Variants in RBFOX1 observed in about 807,000 individuals in gnomAD.
The protein encoded by RBFOX1 is RNA binding protein fox-1 homolog 1.
Under a neutral mutation model 57.7 loss-of-function variants are expected in RBFOX1, and 8 were observed. That is an observed-to-expected ratio of 0.14 (90% CI 0.08 to 0.25). RBFOX1 has a LOEUF of 0.25. Among genes scored for constraint, RBFOX1 ranks in the 10% least tolerant of loss-of-function variants. The pLI, the probability that RBFOX1 is intolerant of heterozygous loss-of-function variation, is 1.00. For missense variants in RBFOX1, 611 were observed against 548.5 expected (o/e 1.11, Z -1.14); for synonymous variants, 326 against 222.4 (o/e 1.47, Z -4.15).
At chr16:7,427,646 A>T (rs557494918) in intron 4 of RBFOX1, among the ~76,000 whole-genome samples, 294 of 134,758 alleles carry the variant, frequency 2.2e-3, no homozygotes, top group African/African-American at 7.5e-3. Flanking sequence ...TTTTATTTTT[A>T]TTTATTTATT....
intron 10 of RBFOX1, among the ~76,000 whole-genome samples, chr16:7,607,670 C>T (rs1474982836): frequency 3.3e-5 from 5 of 152,114 alleles, no homozygotes; most frequent in South Asian, 4.1e-4. Flanking sequence ...TTTCAATGTG[C>T]CTGAATGTGT....
chr16:5,525,491 A>ATTTTTTTTTTTTTTTTTTTTTTTTTT (rs71404528), intron 2 of RBFOX1, among the ~76,000 whole-genome samples: 3 of 78,270 alleles, frequency 3.8e-5, no homozygotes, highest in African/African-American at 5.4e-5. Context: ...AGCCGACACT[A>ATTTTTTTTTTTTTTTTTTTTTTTTTT]TTTTTTTTTT....
chr16:6,527,640 G>A (rs1233553278), intron 2 of RBFOX1, among the ~76,000 whole-genome samples: 5 of 152,108 alleles, frequency 3.3e-5, no homozygotes, highest in Non-Finnish European at 7.4e-5. Context: ...TTATCTTGAG[G>A]ACTGGTCTTG....
chr16:7,156,876 C>G (rs1415906098), intron 4 of RBFOX1, among the ~76,000 whole-genome samples: 2 of 152,080 alleles, frequency 1.3e-5, no homozygotes, highest in South Asian at 4.1e-4. Flanking sequence ...ATAGATATTG[C>G]TAATATTTGC....
intron 2 of RBFOX1, among the ~76,000 whole-genome samples, chr16:6,512,625 C>T (rs1471106406): frequency 6.6e-6 from 1 of 152,140 alleles, no homozygotes; most frequent in East Asian, 1.9e-4. Flanking sequence ...TTACACATTT[C>T]CAGAGTTCTC....
chr16:7,169,896 C>T (rs1292440251), intron 4 of RBFOX1, among the ~76,000 whole-genome samples: 4 of 151,940 alleles, frequency 2.6e-5, no homozygotes, highest in Non-Finnish European at 5.9e-5. Context: ...CGTGGCAAGA[C>T]CCTATCTCTA....
chr16:5,265,351 T>C (rs149396315), intron 1 of RBFOX1, among the ~76,000 whole-genome samples: 268 of 152,248 alleles, frequency 1.8e-3, no homozygotes, highest in Non-Finnish European at 3.3e-3. Flanking sequence ...CACCTTTTAC[T>C]GCAGAATGAG....
chr16:7,098,749 A>G (rs1373135302), intron 4 of RBFOX1, among the ~76,000 whole-genome samples: 1 of 152,130 alleles, frequency 6.6e-6, no homozygotes, highest in African/African-American at 2.4e-5. Flanking sequence ...CAGGAGTTTG[A>G]GACCAGCCTG....
chr16:7,456,066 A>T (rs1213835020), intron 4 of RBFOX1, among the ~76,000 whole-genome samples: 1 of 152,174 alleles, frequency 6.6e-6, no homozygotes, highest in African/African-American at 2.4e-5. Flanking sequence ...ATGTGGTCTT[A>T]TGCTATAGCT....
intron 1 of RBFOX1, among the ~76,000 whole-genome samples, chr16:6,303,978 A>G (rs561650897): frequency 6.7e-6 from 1 of 148,494 alleles, no homozygotes; most frequent in South Asian, 2.2e-4. Context: ...TGCCTGGCTA[A>G]TTTTTGTATT....
chr16:7,513,104 A>G (rs964860870), intron 4 of RBFOX1, among the ~76,000 whole-genome samples: 2 of 152,088 alleles, frequency 1.3e-5, no homozygotes, highest in Non-Finnish European at 2.9e-5. Context: ...TCTACTAAAA[A>G]TACAAAAAAT....
At chr16:7,424,324 A>G (rs563664118) in intron 4 of RBFOX1, among the ~76,000 whole-genome samples, 52 of 152,202 alleles carry the variant, frequency 3.4e-4, no homozygotes, top group Non-Finnish European at 6.2e-4. Context: ...CAGTGATGCA[A>G]TCTTTTCTGA....
Position 6,899,063 on chromosome 16 carries a change from A to G in RBFOX1, c.-15-152994A>G, listed in dbSNP as rs372803857. ...GTGTATGCATGTGTATGTATAATAC[A>G]TGTATTACACACATGTACACGTGTA... On this transcript the variant is annotated intron_variant, in intron 3 of 15. Transcript: ENST00000550418. 3.8e-4 allele frequency among the ~76,000 whole-genome samples: 57 copies of G among 148,666 alleles called. 1 individual carries two copies. The East Asian group carries it at 4.9e-3, about 13-fold the overall frequency.
intron 4 of RBFOX1, among the ~76,000 whole-genome samples, chr16:7,337,593 G>C (rs1418376372): frequency 6.6e-6 from 1 of 152,184 alleles, no homozygotes; most frequent in African/African-American, 2.4e-5. Flanking sequence ...GAACTCCTAA[G>C]CACTGCGTCT....
At chr16:6,662,180 T>C (rs1028919846) in intron 3 of RBFOX1, among the ~76,000 whole-genome samples, 1 of 151,998 alleles carries the variant, frequency 6.6e-6, no homozygotes, top group Non-Finnish European at 1.5e-5. Flanking sequence ...CAAACCCTCA[T>C]CATCAGATTA....
At chr16:7,542,614 G>T (rs1006204828) in intron 5 of RBFOX1, among the ~76,000 whole-genome samples, 5 of 151,324 alleles carry the variant, frequency 3.3e-5, no homozygotes, top group African/African-American at 1.2e-4. Flanking sequence ...CAGCACTTTG[G>T]GAGGCCAAGG....
At chr16:6,753,437 G>A (rs977962445) in intron 3 of RBFOX1, among the ~76,000 whole-genome samples, 26 of 152,072 alleles carry the variant, frequency 1.7e-4, no homozygotes, top group African/African-American at 6.3e-4. Flanking sequence ...CTTTTATTTA[G>A]GGATGCTTTC....
chr16:6,750,490 CAT>C (rs1229288999), intron 3 of RBFOX1, among the ~76,000 whole-genome samples: 1 of 152,190 alleles, frequency 6.6e-6, no homozygotes, highest in Non-Finnish European at 1.5e-5. Flanking sequence ...TATTTCTTGA[CAT>C]ATGTTTCTTG....
At chr16:6,586,059 T>C (rs1350046802) in intron 2 of RBFOX1, among the ~76,000 whole-genome samples, 1 of 152,226 alleles carries the variant, frequency 6.6e-6, no homozygotes, top group Admixed American at 6.5e-5. Context: ...TATTTAATAG[T>C]GAAGTTATGC....
Sources: gnomAD v4.1 joint callset for allele counts (sites outside exome capture counted in the v4.1 genomes callset) on GRCh38, gnomAD v4.1.1 for gene constraint, MANE v1.5 for transcripts, NCBI Gene and HGNC (gene_info 2026-07-23, HGNC 2026-07-21) for gene names.